Variants in SUPT3H observed in about 807,000 individuals in gnomAD.
SUPT3H encodes SPT3 homolog, SAGA and STAGA complex component, also known as transcription initiation protein SPT3 homolog.
In SUPT3H, 44 loss-of-function variants were observed where a neutral mutation model predicts 44.3. That is an observed-to-expected ratio of 0.99 (90% CI 0.78 to 1.28). The LOEUF is 1.28. Among genes scored for constraint, SUPT3H ranks in the 50% most tolerant of loss-of-function variants. The pLI is 0.00. For synonymous variants in SUPT3H, 124 were observed against 125.6 expected (o/e 0.99, Z 0.09); for missense variants, 380 against 387.1 (o/e 0.98, Z 0.15).
chr6:44,888,343 G>T (rs1260588446), intron 10 of SUPT3H, among the ~76,000 whole-genome samples: 1 of 152,124 alleles, frequency 6.6e-6, no homozygotes, highest in East Asian at 1.9e-4. Context: ...TATCCTTGAT[G>T]AACATTGATG....
At chr6:45,176,639 A>C (rs1037545752) in intron 2 of SUPT3H, among the ~76,000 whole-genome samples, 92 of 152,266 alleles carry the variant, frequency 6.0e-4, no homozygotes, top group Non-Finnish European at 1.0e-3. Flanking sequence ...GACAAACAAA[A>C]AGACAGCAGT....
At chr6:44,972,432 G>C (rs904089310) in intron 6 of SUPT3H, among the ~76,000 whole-genome samples, 3 of 152,156 alleles carry the variant, frequency 2.0e-5, no homozygotes, top group Non-Finnish European at 4.4e-5. Context: ...TGGCTTTGTA[G>C]GGCACAGCTC....
chr6:44,908,151 TTTC>T (rs933045276), intron 10 of SUPT3H, among the ~76,000 whole-genome samples: 3 of 146,250 alleles, frequency 2.1e-5, no homozygotes, highest in Non-Finnish European at 4.6e-5. Flanking sequence ...TTTTTTTTCT[TTTC>T]TTTTTTTTTT....
At chr6:45,373,498 T>C (rs1282735963) in intron 1 of SUPT3H, among the ~76,000 whole-genome samples, 1 of 152,174 alleles carries the variant, frequency 6.6e-6, no homozygotes, top group African/African-American at 2.4e-5. Context: ...AGAAAATATA[T>C]TGTGACCAGA....
intron 2 of SUPT3H, among the ~76,000 whole-genome samples, chr6:45,200,689 A>T (rs1762343916): frequency 6.6e-6 from 1 of 151,520 alleles, no homozygotes. Context: ...ACAGTTATTA[A>T]GTGACAGTTT....
chr6:44,975,054 C>T (rs532916242), intron 6 of SUPT3H, among the ~76,000 whole-genome samples: 94 of 152,168 alleles, frequency 6.2e-4, no homozygotes, highest in Non-Finnish European at 1.2e-3. Context: ...GCCTGTAATC[C>T]TAGCTAGTCG....
At chr6:44,962,379 G>C (rs1017566225) in intron 6 of SUPT3H, among the ~76,000 whole-genome samples, 5 of 152,124 alleles carry the variant, frequency 3.3e-5, no homozygotes, top group Non-Finnish European at 7.4e-5. Flanking sequence ...CATTTGTGGA[G>C]TTTTTGATTC....
intron 3 of SUPT3H, among the ~76,000 whole-genome samples, chr6:45,022,333 T>C (rs970820516): frequency 2.6e-5 from 4 of 151,760 alleles, no homozygotes; most frequent in Admixed American, 2.6e-4. Flanking sequence ...TTCTCCAAAG[T>C]ATCAGTTTAC....
chr6:44,909,142 C>CGCGTGTGT (rs1554162590), intron 10 of SUPT3H, among the ~76,000 whole-genome samples: 1 of 146,958 alleles, frequency 6.8e-6, no homozygotes, highest in African/African-American at 2.5e-5. Flanking sequence ...TGTGTGTGTG[C>CGCGTGTGT]GTGTGTGTGT....
At chr6:45,369,263 T>C (rs1408604346) in intron 1 of SUPT3H, among the ~76,000 whole-genome samples, 6 of 152,082 alleles carry the variant, frequency 3.9e-5, no homozygotes, top group Admixed American at 3.9e-4. Flanking sequence ...ACCCCTACAG[T>C]TCTCTCTACT....
intron 5 of SUPT3H, among the ~76,000 whole-genome samples, chr6:45,004,378 A>AAT (rs1723931116): frequency 6.6e-6 from 1 of 152,010 alleles, no homozygotes; most frequent in African/African-American, 2.4e-5. Flanking sequence ...GAGATATCTG[A>AAT]ATATATATAT....
intron 2 of SUPT3H, among the ~76,000 whole-genome samples, chr6:45,146,700 T>C (rs140055582): frequency 6.6e-6 from 1 of 152,138 alleles, no homozygotes; most frequent in Non-Finnish European, 1.5e-5. Flanking sequence ...CAAAAGGTGG[T>C]TGGCCTTATA....
chr6:44,951,722 A>G (rs1176399205), intron 9 of SUPT3H, among the ~76,000 whole-genome samples: 1 of 152,154 alleles, frequency 6.6e-6, no homozygotes, highest in Non-Finnish European at 1.5e-5. Context: ...CAGCTTGGCC[A>G]CCCTGGAGAA....
At chr6:45,337,313 C>T (rs1788773816) in intron 2 of SUPT3H, among the ~76,000 whole-genome samples, 2 of 151,696 alleles carry the variant, frequency 1.3e-5, no homozygotes, top group Non-Finnish European at 3.0e-5. Flanking sequence ...GAAAAGCTTG[C>T]CATTGCATTT....
chr6:45,311,534 A>G (rs925785837), intron 2 of SUPT3H, among the ~76,000 whole-genome samples: 1 of 152,240 alleles, frequency 6.6e-6, no homozygotes, highest in African/African-American at 2.4e-5. Flanking sequence ...AAGTTAAGAC[A>G]AAGGAAAGTA....
intron 3 of SUPT3H, among the ~76,000 whole-genome samples, chr6:45,091,785 T>C (rs931237080): frequency 5.3e-5 from 8 of 152,246 alleles, no homozygotes; most frequent in African/African-American, 1.9e-4. Context: ...AATCTTTATA[T>C]ACAGTTTTGG....
intron 2 of SUPT3H, among the ~76,000 whole-genome samples, chr6:45,126,964 T>C (rs770700791): frequency 1.1e-4 from 17 of 152,172 alleles, no homozygotes; most frequent in Non-Finnish European, 2.1e-4. Flanking sequence ...TGACTTCCAC[T>C]GTGTACCTGA....
At chr6:44,838,134 A>G (rs186727551) in intron 10 of SUPT3H, among the ~76,000 whole-genome samples, 67 of 152,370 alleles carry the variant, frequency 4.4e-4, no homozygotes, top group African/African-American at 1.6e-3. Flanking sequence ...GATGGTAGTT[A>G]ATAATATCAA....
intron 3 of SUPT3H, among the ~76,000 whole-genome samples, chr6:45,058,668 C>T (rs1016511124): frequency 5.9e-5 from 9 of 152,132 alleles, no homozygotes; most frequent in African/African-American, 2.2e-4. Context: ...TTGAGAAACA[C>T]TGCACTACAG....
Sources: allele counts gnomAD v4.1 joint callset (sites outside exome capture counted in the v4.1 genomes callset), GRCh38; gene constraint gnomAD v4.1.1; transcripts MANE v1.5; gene names NCBI Gene and HGNC (gene_info 2026-07-23, HGNC 2026-07-21).